The following LRRTM4 variants were observed in gnomAD, a reference collection of about 807,000 sequenced individuals.
LRRTM4 encodes the protein leucine-rich repeat transmembrane neuronal protein 4.
Under a neutral mutation model 47.6 loss-of-function variants are expected in LRRTM4, and 25 were observed. The observed-to-expected ratio is 0.53, with a 90% CI of 0.38 to 0.73. The LOEUF (loss-of-function observed/expected upper bound fraction) is 0.73. Among genes scored for constraint, LRRTM4 ranks in the 30% least tolerant of loss-of-function variants. The probability of loss-of-function intolerance (pLI) is 0.00; values close to 1 mark genes in which losing one functional copy is unlikely to be tolerated. For synonymous variants in LRRTM4, 311 were observed against 269.5 expected (o/e 1.15, Z -1.51); for missense variants, 638 against 713.4 (o/e 0.89, Z 1.20).
chr2:76,812,453 G>A (rs1670762137), intron 3 of LRRTM4, among the ~76,000 whole-genome samples: 1 of 152,156 alleles, frequency 6.6e-6, no homozygotes, highest in Non-Finnish European at 1.5e-5. Context: ...TCTTAAGAGA[G>A]TGTTGGGAAG....
intron 3 of LRRTM4, among the ~76,000 whole-genome samples, chr2:77,029,563 G>A (rs1678579699): frequency 6.6e-6 from 1 of 152,040 alleles, no homozygotes; most frequent in African/African-American, 2.4e-5. Context: ...TAGCCACACT[G>A]GCAACACCCT....
intron 3 of LRRTM4, among the ~76,000 whole-genome samples, chr2:76,881,368 C>A (rs182086151): frequency 6.6e-6 from 1 of 151,344 alleles, no homozygotes; most frequent in Non-Finnish European, 1.5e-5. Flanking sequence ...TTCTTTTTAA[C>A]GTGGTATTTT....
Position 77,522,295 on chromosome 2 carries a change from C to G in LRRTM4, c.-334G>C, listed in dbSNP as rs1184829691. 2 of 537,222 alleles carry G rather than the reference C, an allele frequency of 3.7e-6. No individual in the cohort carries two copies. The highest frequency in any genetic ancestry group is 1.9e-5 in the African/African-American group (1 of 51,804). The allele number at this position is 537,222 out of a possible 1,614,324, so 33.3% of individuals were successfully genotyped here. On this transcript the variant is annotated 5_prime_UTR_variant, in exon 1 of 4. Coordinates refer to ENST00000409884, the MANE Select transcript of LRRTM4 (RefSeq NM_001134745.3). ...GTTTTGTAGCTGTGCTGGGAGGCAG[C>G]CCTTGTCTAATTCAGAAGGCTTTCC...
At chr2:76,760,136 C>T (rs777740833) in intron 3 of LRRTM4, among the ~76,000 whole-genome samples, 4 of 152,090 alleles carry the variant, frequency 2.6e-5, no homozygotes, top group East Asian at 1.9e-4. Context: ...AAGCTGTGAG[C>T]GTCTCACTTT....
At chr2:77,009,388 C>G (rs889422923) in intron 3 of LRRTM4, 1 of 152,088 alleles carries the variant, frequency 6.6e-6, no homozygotes, top group Non-Finnish European at 1.5e-5. Flanking sequence ...TCAAAGCCTG[C>G]TAGTGATTTT....
intron 3 of LRRTM4, among the ~76,000 whole-genome samples, chr2:77,125,287 T>C (rs942807095): frequency 2.0e-5 from 3 of 152,142 alleles, no homozygotes; most frequent in Non-Finnish European, 4.4e-5. Context: ...TTAAAGATTT[T>C]GTAAACACTC....
chr2:77,417,730 A>C (rs968903339), intron 3 of LRRTM4, among the ~76,000 whole-genome samples: 2 of 147,172 alleles, frequency 1.4e-5, no homozygotes, highest in Non-Finnish European at 3.0e-5. Context: ...ACATGGACAC[A>C]GGAAGGGGAA....
chr2:77,014,306 A>C (rs907275850), intron 3 of LRRTM4, among the ~76,000 whole-genome samples: 1 of 152,172 alleles, frequency 6.6e-6, no homozygotes, highest in Non-Finnish European at 1.5e-5. Context: ...GACTGAGTGC[A>C]TATTCTATTC....
intron 3 of LRRTM4, among the ~76,000 whole-genome samples, chr2:77,053,498 TA>T (rs1011524220): frequency 6.6e-5 from 10 of 152,172 alleles, no homozygotes; most frequent in African/African-American, 1.9e-4. Context: ...CTCTCAATTT[TA>T]AAAGACTACA....
intron 3 of LRRTM4, among the ~76,000 whole-genome samples, chr2:77,370,904 C>T (rs140070309): frequency 4.0e-5 from 6 of 151,796 alleles, no homozygotes; most frequent in African/African-American, 1.4e-4. Context: ...GGCATCCATA[C>T]AAATTAACAC....
intron 3 of LRRTM4, among the ~76,000 whole-genome samples, chr2:76,841,115 G>A (rs1034794863): frequency 4.9e-5 from 7 of 143,058 alleles, no homozygotes; most frequent in Non-Finnish European, 7.5e-5. Context: ...ATGAGTTCAT[G>A]TCCTTTGTAG....
intron 3 of LRRTM4, among the ~76,000 whole-genome samples, chr2:76,879,205 C>T (rs1007417135): frequency 6.6e-6 from 1 of 152,126 alleles, no homozygotes; most frequent in Non-Finnish European, 1.5e-5. Context: ...GTGTAGATGA[C>T]ACAGTCTTCT....
chr2:77,158,714 A>G (rs1258799952), intron 3 of LRRTM4, among the ~76,000 whole-genome samples: 1 of 152,028 alleles, frequency 6.6e-6, no homozygotes, highest in African/African-American at 2.4e-5. Context: ...TTTGTACTAG[A>G]AAGTACAAAA....
chr2:76,892,729 T>G (rs1673294020), intron 3 of LRRTM4, among the ~76,000 whole-genome samples: 1 of 151,734 alleles, frequency 6.6e-6, no homozygotes, highest in Non-Finnish European at 1.5e-5. Context: ...GTATTTTAAA[T>G]TCAGAAAGTC....
At chr2:76,845,787 G>A (rs1326645064) in intron 3 of LRRTM4, among the ~76,000 whole-genome samples, 1 of 152,088 alleles carries the variant, frequency 6.6e-6, no homozygotes, top group South Asian at 2.1e-4. Flanking sequence ...GTAGGGCTTT[G>A]GTAAGGAATA....
At chr2:76,761,106 A>C (rs775586244) in intron 3 of LRRTM4, among the ~76,000 whole-genome samples, 2 of 152,204 alleles carry the variant, frequency 1.3e-5, no homozygotes, top group Non-Finnish European at 2.9e-5. Context: ...CTTAATGTTA[A>C]ATTTAGGTTG....
intron 3 of LRRTM4, among the ~76,000 whole-genome samples, chr2:77,429,129 A>G (rs1322924135): frequency 6.6e-6 from 1 of 152,204 alleles, no homozygotes; most frequent in Non-Finnish European, 1.5e-5. Context: ...GTGGGAGTAA[A>G]GTGCAGGAAG....
intron 3 of LRRTM4, among the ~76,000 whole-genome samples, chr2:76,936,201 A>G (rs536971339): frequency 1.9e-4 from 29 of 152,172 alleles, no homozygotes; most frequent in Non-Finnish European, 3.1e-4. Context: ...ATGCCCATCA[A>G]TGATAGACTG....
At chr2:77,323,434 G>A (rs1354994715) in intron 3 of LRRTM4, among the ~76,000 whole-genome samples, 1 of 152,002 alleles carries the variant, frequency 6.6e-6, no homozygotes, top group Non-Finnish European at 1.5e-5. Context: ...TTTTTTTGGA[G>A]TCCACCCTAC....
Sources: gnomAD v4.1 joint callset for allele counts (sites outside exome capture counted in the v4.1 genomes callset) on GRCh38, gnomAD v4.1.1 for gene constraint, MANE v1.5 for transcripts, NCBI Gene and HGNC (gene_info 2026-07-23, HGNC 2026-07-21) for gene names.